RGS14: variants seen among roughly 807,000 people sequenced by gnomAD.
RGS14 encodes the protein regulator of G-protein signaling 14.
In RGS14, 33 loss-of-function variants were observed where a neutral mutation model predicts 63.8. That is an observed-to-expected ratio of 0.52 (90% CI 0.39 to 0.69). The LOEUF is 0.69. Ranked by LOEUF, RGS14 falls within the 30% of genes least tolerant of loss-of-function variation. The pLI is 0.00. For missense variants in RGS14, 739 were observed against 742.9 expected (o/e 0.99, Z 0.06); for synonymous variants, 296 against 320.9 (o/e 0.92, Z 0.83).
chr5:177,371,995 G>A lies in RGS14; in HGVS notation c.1621G>A (p.Glu541Lys), dbSNP rs149981884. The A allele has an allele frequency of 1.2e-3, 1,930 of 1,614,120 alleles. 20 individuals are homozygous for A. The African/African-American group carries it at 0.021, about 18-fold the overall frequency. Residue 541 changes from glutamate to lysine, a missense_variant, in exon 15 of 15, where the codon GAG becomes AAG. Physicochemically the swap from Glu to Lys is moderately conservative, Grantham distance 56 (BLOSUM62 1). Coordinates refer to ENST00000408923, the MANE Select transcript of RGS14 (RefSeq NM_006480.5). The surrounding 1 kb of genome is among the most constrained non-coding windows in gnomAD (Gnocchi z 6.1). ...GCTGCCCGCCCAAGGGCCCAGCTCC[G>A]AGGAGACCCCACCACAGACCAAATC... Reference protein sequence around the residue: ...LQLPAQGPSSEETPPQTKSAA... With the variant: ...LQLPAQGPSSKETPPQTKSAA...
rs1761869653 is a variant in RGS14, at chr5:177,358,221, T to C, written c.45+152T>C. 3.5e-6 allele frequency: 2 copies of C among 574,858 alleles called. No individual in the cohort carries two copies. Among genetic ancestry groups the C allele is most frequent in the Non-Finnish European group, 2.6e-6 (1 of 378,028 alleles). The allele number at this position is 574,858 out of a possible 1,614,324, so 35.6% of individuals were successfully genotyped here. On this transcript the variant is annotated intron_variant, in intron 1 of 14. Transcript: ENST00000408923. The surrounding 1 kb of genome is among the most constrained non-coding windows in gnomAD (Gnocchi z 4.8). ...ACAGACAGCAGCAGGTGGTAGGACC[T>C]GGTGCTCTCACCCCTAGACCCTTCC...
At chr5:177,365,908 T>TC in intron 1 of RGS14, 55 bp from the exon 2 acceptor site, 1 of 1,586,184 alleles carries the variant, frequency 6.3e-7, no homozygotes, top group East Asian at 2.2e-5. Flanking sequence ...CCCAGAACTG[T>TC]CCCCTGGGAA....
chr5:177,361,981 A>AGCCCCTGCAGG (rs1353168074), intron 1 of RGS14, among the ~76,000 whole-genome samples: 1 of 152,152 alleles, frequency 6.6e-6, no homozygotes, highest in African/African-American at 2.4e-5. Flanking sequence ...GGCAGGCCAG[A>AGCCCCTGCAGG]GCCCCTGCAG....
intron 1 of RGS14, among the ~76,000 whole-genome samples, chr5:177,362,602 C>T (rs142205166): frequency 3.7e-4 from 57 of 152,254 alleles, no homozygotes; most frequent in African/African-American, 1.2e-3. Context: ...TACCCAGGCA[C>T]TGGCAATGGC....
At chr5:177,367,124 CG>C in intron 5 of RGS14, 90 bp downstream of exon 5, 1 of 1,477,680 alleles carries the variant, frequency 6.8e-7, no homozygotes, top group Non-Finnish European at 9.1e-7. Flanking sequence ...AACTACAAAG[CG>C]GAGGGGGCAA....
chr5:177,366,802 T>TGG lies in RGS14; in HGVS notation c.339+6_339+7dup. ...ATCCCGGCCAGCGATACCCAGCAGGTGGGGGAAGGGGGAGCTGGGGCCGAG... is the reference window on the plus strand; with the variant it reads ...ATCCCGGCCAGCGATACCCAGCAGGTGGGGGGGAAGGGGGAGCTGGGGCCGAG... On this transcript the variant is annotated splice_region_variant and intron_variant, in intron 4 of 14. Coordinates refer to ENST00000408923, the MANE Select transcript of RGS14 (RefSeq NM_006480.5). The TGG allele has an allele frequency of 6.2e-7, 1 of 1,613,602 alleles. No homozygotes were observed. Among genetic ancestry groups the TGG allele is most frequent in the Non-Finnish European group, 8.5e-7 (1 of 1,179,862 alleles).
At position 177,359,929 on chromosome 5, in the gene RGS14, G is replaced by A. The variant is rs188370956; in HGVS notation, c.45+1860G>A. On this transcript the variant is annotated intron_variant, in intron 1 of 14. Transcript: ENST00000408923. This position sits in a 1 kb window ranked among gnomAD's most constrained non-coding sequence, Gnocchi z 4.4. ...GCCGAGGTCAGCCAGAGAGTAGAGC[G>A]TCAGCATCTGAACCCCCAGAACTGC... 1.3e-5 allele frequency among the ~76,000 whole-genome samples: 2 copies of A among 152,290 alleles called. No individual in the cohort carries two copies. The highest frequency in any genetic ancestry group is 4.8e-5 in the African/African-American group (2 of 41,538).
rs969042121 is a variant in RGS14, at chr5:177,372,139, C to T, written c.*64C>T. 26 of 1,457,474 alleles carry T rather than the reference C, an allele frequency of 1.8e-5. No individual in the cohort carries two copies. Among genetic ancestry groups the T allele is most frequent in the African/African-American group, 2.8e-5 (2 of 71,796 alleles). 90.3% of individuals were successfully genotyped at this position (1,457,474 alleles called of 1,614,324 possible). A position where few individuals can be genotyped will look rare whatever the true frequency, so the allele number is the denominator to read the frequency against. On this transcript the variant is annotated 3_prime_UTR_variant, in exon 15 of 15. Transcript: ENST00000408923. ...GCGGGCCGAGCATGCCATGGGTCCG[C>T]TCTGCATGCCCTGTCTGTGCCATGA... is the stretch of plus-strand genomic sequence containing the variant.
At chr5:177,367,248 C>A (rs1300635493) in intron 5 of RGS14, 166 bp from the exon 6 acceptor site, 2 of 1,100,570 alleles carry the variant, frequency 1.8e-6, no homozygotes, top group African/African-American at 1.6e-5. Flanking sequence ...GAGCTCGGGG[C>A]GGGCTTGGAC....
Position 177,371,823 on chromosome 5 carries a change from C to T in RGS14, c.1499-50C>T. 2 of 1,558,436 alleles carry T rather than the reference C, an allele frequency of 1.3e-6. No individual in the cohort carries two copies. Among genetic ancestry groups the T allele is most frequent in the Non-Finnish European group, 1.7e-6 (2 of 1,144,632 alleles). On this transcript the variant is annotated intron_variant, in intron 14 of 14. Coordinates refer to ENST00000408923, the MANE Select transcript of RGS14 (RefSeq NM_006480.5). This position sits in a 1 kb window ranked among gnomAD's most constrained non-coding sequence, Gnocchi z 6.1. ...AGGCAGTGGGACTATCGTGGGCTGG[C>T]ATATAGGCAGGTCTGCTGGGGGGAC...
chr5:177,366,405 C>T (rs535093372), intron 3 of RGS14, 50 bp downstream of exon 3: 24 of 1,463,690 alleles, frequency 1.6e-5, no homozygotes, highest in South Asian at 1.4e-4. Flanking sequence ...GAGGGCAGGG[C>T]GTGGATGGAG....
intron 1 of RGS14, among the ~76,000 whole-genome samples, chr5:177,361,115 A>G (rs1761955640): frequency 6.6e-6 from 1 of 152,194 alleles, no homozygotes; most frequent in Non-Finnish European, 1.5e-5. Flanking sequence ...AAGACCTGCA[A>G]GGCAAAGCCC....
chr5:177,363,337 G>T (rs1388377208), intron 1 of RGS14, among the ~76,000 whole-genome samples: 1 of 152,038 alleles, frequency 6.6e-6, no homozygotes, highest in Non-Finnish European at 1.5e-5. Context: ...CGGGGGCGGG[G>T]CGCGCTGGGC....
At chr5:177,365,913 T>G in intron 1 of RGS14, 50 bp from the exon 2 acceptor site, 2 of 1,602,336 alleles carry the variant, frequency 1.2e-6, no homozygotes, top group Non-Finnish European at 1.7e-6. Context: ...AACTGTCCCC[T>G]GGGAATCCTC....
intron 10 of RGS14, 49 bp from the exon 11 acceptor site, chr5:177,370,856 G>T: frequency 6.6e-7 from 1 of 1,523,696 alleles, no homozygotes; most frequent in Admixed American, 1.9e-5. Flanking sequence ...GGAAGGGTTT[G>T]GCGGGGGGCC....
At position 177,367,503 on chromosome 5, in the gene RGS14, C is replaced by T; in HGVS notation, c.573C>T (p.Arg191=). 3.0e-5 allele frequency: 48 copies of T among 1,612,626 alleles called. No individual in the cohort carries two copies. The highest frequency in any genetic ancestry group is 4.1e-5 in the Non-Finnish European group (48 of 1,179,426). ...GCCTGCTAGCCGAAGCCGAGGGACG[C>T]CCTCTGCGGGAACCTGGCTCCTCGC... ...RECLLAEAEG[R]PLREPGSSRL... is the part of the protein sequence containing the mutation. The change falls in exon 6 of 15, where the codon CGC becomes CGT. Residue 191 remains arginine (R), a synonymous_variant. Transcript: ENST00000408923.
At chr5:177,366,390 C>G in intron 3 of RGS14, 35 bp downstream of exon 3, 1 of 1,504,604 alleles carries the variant, frequency 6.6e-7, no homozygotes, top group South Asian at 1.3e-5. Flanking sequence ...AGGGGGGACA[C>G]GGGAGAGGGC....
Position 177,358,860 on chromosome 5 carries a change from C to T in RGS14, c.45+791C>T, listed in dbSNP as rs956708250. 3.9e-5 allele frequency among the ~76,000 whole-genome samples: 6 copies of T among 152,206 alleles called. No homozygotes were observed. The highest frequency in any genetic ancestry group is 1.4e-4 in the African/African-American group (6 of 41,448). On this transcript the variant is annotated intron_variant, in intron 1 of 14. Coordinates refer to ENST00000408923, the MANE Select transcript of RGS14 (RefSeq NM_006480.5). The surrounding 1 kb of genome is among the most constrained non-coding windows in gnomAD (Gnocchi z 4.8). ...CCTCAGGAAGGCCAGTGTCCTGGCC[C>T]ACCACCAGGCCCCAGCCTAGTATCA...
At chr5:177,369,474 G>A (rs1306938173) in intron 9 of RGS14, among the ~76,000 whole-genome samples, 1 of 152,204 alleles carries the variant, frequency 6.6e-6, no homozygotes, top group Non-Finnish European at 1.5e-5. Flanking sequence ...CTTGCCAGGT[G>A]TGTGGGGGAG....
Sources: allele counts gnomAD v4.1 joint callset (sites outside exome capture counted in the v4.1 genomes callset), GRCh38; gene constraint gnomAD v4.1.1; non-coding constraint Gnocchi (gnomAD v3.1); transcripts MANE v1.5; gene names NCBI Gene and HGNC (gene_info 2026-07-23, HGNC 2026-07-21).